ERC2: variants seen among roughly 807,000 people sequenced by gnomAD.
The protein encoded by ERC2 is ELKS/RAB6-interacting/CAST family member 2.
In ERC2, 42 loss-of-function variants were observed where a neutral mutation model predicts 114.8. That is an observed-to-expected ratio of 0.37 (90% CI 0.29 to 0.47). ERC2 has a LOEUF of 0.47. Among genes scored for constraint, ERC2 ranks in the 20% least tolerant of loss-of-function variants. ERC2 has a pLI of 0.99. For missense variants in ERC2, 939 were observed against 1,150.7 expected (o/e 0.82, Z 2.66); for synonymous variants, 454 against 425.5 (o/e 1.07, Z -0.82).
At chr3:56,436,542 C>T (rs913698091) in intron 1 of ERC2, among the ~76,000 whole-genome samples, 3 of 152,096 alleles carry the variant, frequency 2.0e-5, no homozygotes, top group Non-Finnish European at 4.4e-5. Flanking sequence ...GAAATTGTTC[C>T]CAACCCCCTA....
At chr3:55,759,521 A>G (rs77314464) in intron 14 of ERC2, among the ~76,000 whole-genome samples, 1 of 143,092 alleles carries the variant, frequency 7.0e-6, no homozygotes, top group East Asian at 2.2e-4. Context: ...AATAAGTATG[A>G]TAAACATGGT....
rs548069142 is a variant in ERC2, at chr3:56,233,486, A to G, written c.1075-59966T>C. ...AAATACAAAATTAAATCTACTAAAA[A>G]TACAAAAATTAGCCGGGAGTGGTGG... On this transcript the variant is annotated intron_variant, in intron 3 of 17. Transcript: ENST00000288221. Among the ~76,000 whole-genome samples the G allele has an allele frequency of 3.3e-5, 5 of 152,158 alleles. No individual in the cohort carries two copies. In the East Asian group the frequency reaches 9.7e-4, roughly 29 times the overall value.
At chr3:56,405,173 T>C (rs371884369) in intron 2 of ERC2, among the ~76,000 whole-genome samples, 1 of 152,272 alleles carries the variant, frequency 6.6e-6, no homozygotes, top group African/African-American at 2.4e-5. Flanking sequence ...GCCAGGCACG[T>C]TGGCTCATGC....
chr3:56,296,961 A>G (rs1436875899), intron 2 of ERC2, among the ~76,000 whole-genome samples: 1 of 152,202 alleles, frequency 6.6e-6, no homozygotes, highest in African/African-American at 2.4e-5. Flanking sequence ...GGTTTAGTAA[A>G]CAGGATTACT....
intron 14 of ERC2, among the ~76,000 whole-genome samples, chr3:55,883,188 T>C (rs1195159455): frequency 1.3e-5 from 2 of 152,200 alleles, no homozygotes; most frequent in African/African-American, 4.8e-5. Context: ...ATGTGACAGA[T>C]TCACAATATC....
At chr3:56,126,370 G>A (rs539067637) in intron 6 of ERC2, among the ~76,000 whole-genome samples, 1 of 152,300 alleles carries the variant, frequency 6.6e-6, no homozygotes, top group South Asian at 2.1e-4. Context: ...CATTTAAATA[G>A]ATGCACAAAA....
At chr3:56,294,657 A>T (rs1199840944) in intron 3 of ERC2, among the ~76,000 whole-genome samples, 2 of 152,252 alleles carry the variant, frequency 1.3e-5, no homozygotes, top group Non-Finnish European at 2.9e-5. Context: ...TAACATTGAC[A>T]TTCTGTTAAT....
intron 6 of ERC2, among the ~76,000 whole-genome samples, chr3:56,122,592 C>T (rs2079640480): frequency 6.6e-6 from 1 of 152,014 alleles, no homozygotes; most frequent in African/African-American, 2.4e-5. Flanking sequence ...TATTTTGGCC[C>T]ATTCAGGTTG....
chr3:55,668,641 T>A (rs895584305), intron 17 of ERC2, among the ~76,000 whole-genome samples: 8 of 152,224 alleles, frequency 5.3e-5, no homozygotes, highest in African/African-American at 1.7e-4. Flanking sequence ...CCTCTTGACC[T>A]CTGGGACTGG....
At chr3:56,189,191 C>T (rs185429505) in intron 3 of ERC2, among the ~76,000 whole-genome samples, 4 of 152,314 alleles carry the variant, frequency 2.6e-5, no homozygotes, top group Non-Finnish European at 2.9e-5. Context: ...CACAGCATAA[C>T]CTCCACAGAA....
chr3:56,274,552 C>T (rs1183261386), intron 3 of ERC2, among the ~76,000 whole-genome samples: 1 of 152,124 alleles, frequency 6.6e-6, no homozygotes, highest in African/African-American at 2.4e-5. Flanking sequence ...CTGTGTAGTT[C>T]AAGCCCATGT....
chr3:55,569,764 A>G (rs1224809608), intron 17 of ERC2, among the ~76,000 whole-genome samples: 1 of 152,128 alleles, frequency 6.6e-6, no homozygotes. Flanking sequence ...ATGACATATA[A>G]TTAATTGGGT....
rs1328912186 is a variant in ERC2, at chr3:56,230,523, G to A, written c.1075-57003C>T. 2.0e-5 allele frequency among the ~76,000 whole-genome samples: 3 copies of A among 152,208 alleles called. No homozygotes were observed. The East Asian group carries it at 5.8e-4, about 29-fold the overall frequency. On this transcript the variant is annotated intron_variant, in intron 3 of 17. Transcript: ENST00000288221. ...ACTCTTCTTGTCTCAGCCTACCAAAGTGCTGGGATTACAGACATGAGCCGC... is the reference window on the plus strand; with the variant it reads ...ACTCTTCTTGTCTCAGCCTACCAAAATGCTGGGATTACAGACATGAGCCGC...
intron 13 of ERC2, among the ~76,000 whole-genome samples, chr3:55,915,363 G>T (rs2065033489): frequency 2.0e-5 from 3 of 152,022 alleles, no homozygotes; most frequent in African/African-American, 7.2e-5. Flanking sequence ...AAAAAAGTCT[G>T]CAGTACAACA....
At chr3:56,134,915 TTTTTGTTTTTTTTTG>T (rs1205645489) in intron 6 of ERC2, among the ~76,000 whole-genome samples, 1 of 106,998 alleles carries the variant, frequency 9.3e-6, no homozygotes, top group African/African-American at 3.3e-5. Flanking sequence ...TCTCTCTTTT[TTTTTGTTTTTTTTTG>T]TTTTTGTTTT....
At position 55,930,241 on chromosome 3, in the gene ERC2, G is replaced by C. The variant is rs139188125; in HGVS notation, c.2403+20184C>G. ...GTGACAGAGTGAGACTCCGTCTCAA[G>C]AAAATAAATAAATAAATAAATAAAT... On this transcript the variant is annotated intron_variant, in intron 13 of 17. Transcript: ENST00000288221. 6.2e-3 allele frequency among the ~76,000 whole-genome samples: 929 copies of C among 149,658 alleles called. 15 individuals carry two copies. The highest frequency in any genetic ancestry group is 0.022 in the African/African-American group (895 of 40,408).
intron 6 of ERC2, among the ~76,000 whole-genome samples, chr3:56,112,154 T>C (rs1054217956): frequency 6.6e-6 from 1 of 152,218 alleles, no homozygotes; most frequent in African/African-American, 2.4e-5. Context: ...GCAATCAAGC[T>C]AATTTAAGTC....
At chr3:56,313,008 A>ATATATATATATATG (rs2056674555) in intron 2 of ERC2, among the ~76,000 whole-genome samples, 1 of 110,730 alleles carries the variant, frequency 9.0e-6, no homozygotes, top group Non-Finnish European at 1.9e-5. Flanking sequence ...ATTCATATAT[A>ATATATATATATATG]TATATATATA....
chr3:55,573,588 C>T (rs968668040), intron 17 of ERC2, among the ~76,000 whole-genome samples: 1 of 152,068 alleles, frequency 6.6e-6, no homozygotes, highest in African/African-American at 2.4e-5. Context: ...CTGGGCCGCT[C>T]CTCATGTGGT....
Sources: gnomAD v4.1 joint callset for allele counts (sites outside exome capture counted in the v4.1 genomes callset) on GRCh38, gnomAD v4.1.1 for gene constraint, MANE v1.5 for transcripts, NCBI Gene and HGNC (gene_info 2026-07-23, HGNC 2026-07-21) for gene names.